Variants in CA8 observed in about 807,000 individuals in gnomAD.
The protein encoded by CA8 is carbonic anhydrase-related protein.
In CA8, 22 loss-of-function variants were observed where a neutral mutation model predicts 41.4. The observed-to-expected ratio is 0.53, with a 90% CI of 0.38 to 0.76. The LOEUF is 0.76. Ranked by LOEUF, CA8 falls within the 30% of genes least tolerant of loss-of-function variation. The pLI is 0.00. For synonymous variants in CA8, 121 were observed against 130.6 expected (o/e 0.93, Z 0.50); for missense variants, 270 against 352.8 (o/e 0.77, Z 1.88).
At chr8:60,278,803 AC>A (rs1804321173) in intron 2 of CA8, among the ~76,000 whole-genome samples, 1 of 152,160 alleles carries the variant, frequency 6.6e-6, no homozygotes, top group Non-Finnish European at 1.5e-5. Flanking sequence ...TTAATAACAA[AC>A]CTAAAGATTT....
At chr8:60,213,878 G>A (rs1321468677) in intron 7 of CA8, among the ~76,000 whole-genome samples, 5 of 151,876 alleles carry the variant, frequency 3.3e-5, no homozygotes, top group South Asian at 4.2e-4. Context: ...TCAGGACCTC[G>A]GCATTCTCGG....
At chr8:60,194,625 T>C (rs907401936) in intron 8 of CA8, among the ~76,000 whole-genome samples, 11 of 152,184 alleles carry the variant, frequency 7.2e-5, no homozygotes, top group Non-Finnish European at 4.4e-5. Flanking sequence ...GATTAAGTGC[T>C]TCTTAAATAG....
chr8:60,265,119 A>T (rs950693364), intron 3 of CA8: 1 of 152,162 alleles, frequency 6.6e-6, no homozygotes, highest in African/African-American at 2.4e-5. Flanking sequence ...TGAATCCAAC[A>T]TCCCCTCACT....
At chr8:60,228,718 T>C (rs1034441926) in intron 4 of CA8, among the ~76,000 whole-genome samples, 1 of 152,240 alleles carries the variant, frequency 6.6e-6, no homozygotes, top group Non-Finnish European at 1.5e-5. Flanking sequence ...GCTTGGGTCA[T>C]CATAATTCAC....
intron 7 of CA8, among the ~76,000 whole-genome samples, chr8:60,214,582 C>T (rs1185318545): frequency 6.6e-6 from 1 of 152,194 alleles, no homozygotes; most frequent in African/African-American, 2.4e-5. Flanking sequence ...ACAGCCCCTT[C>T]GATTCCATAT....
chr8:60,190,411 TTAAA>T lies in CA8; in HGVS notation c.*36-430_*36-427del, dbSNP rs1021932983. ...AATTCCCAAATGACTTACAATTCTA[TTAAA>T]TAAATAATAAATGCAGAATATATAT... On this transcript the variant is annotated intron_variant, in intron 8 of 8. Coordinates refer to ENST00000317995, the MANE Select transcript of CA8 (RefSeq NM_004056.6). 9.3e-5 allele frequency among the ~76,000 whole-genome samples: 13 copies of T among 140,044 alleles called. No homozygotes were observed. In the South Asian group the frequency reaches 2.5e-3, roughly 26 times the overall value. The allele number at this position is 140,044 out of a possible 152,430, so 91.9% of individuals were successfully genotyped here. A position where few individuals can be genotyped will look rare whatever the true frequency, so the allele number is the denominator to read the frequency against.
In CA8 at chr8:60,222,769, G is replaced by A. The variant is rs1254519409; in HGVS notation, c.626-8C>T. 5 of 1,555,240 alleles carry A rather than the reference G, an allele frequency of 3.2e-6. No individual in the cohort carries two copies. The South Asian group carries it at 5.6e-5, about 17-fold the overall frequency. On this transcript the variant is annotated splice_polypyrimidine_tract_variant and splice_region_variant and intron_variant, in intron 6 of 8. Transcript: ENST00000317995. ...AATCCCGCAGCAGAGGGTCTGCACA[G>A]CCACGTGGACATGTAATGGAAAAGG...
chr8:60,203,427 C>A (rs1028226192), intron 8 of CA8, among the ~76,000 whole-genome samples: 3 of 152,134 alleles, frequency 2.0e-5, no homozygotes, highest in African/African-American at 7.2e-5. Flanking sequence ...AATAAAGTTT[C>A]AATTCCTTAA....
chr8:60,270,406 C>G (rs1804032335), intron 2 of CA8, among the ~76,000 whole-genome samples: 1 of 152,098 alleles, frequency 6.6e-6, no homozygotes. Flanking sequence ...ACTTACTTAC[C>G]TACTTATTTA....
At chr8:60,272,101 A>G (rs1478521178) in intron 2 of CA8, among the ~76,000 whole-genome samples, 1 of 152,194 alleles carries the variant, frequency 6.6e-6, no homozygotes, top group Non-Finnish European at 1.5e-5. Context: ...CAGAGGTAGA[A>G]TAGTGACAGG....
chr8:60,279,975 C>A, intron 1 of CA8, 95 bp from the exon 2 acceptor site: 1 of 949,106 alleles, frequency 1.1e-6, no homozygotes, highest in Non-Finnish European at 1.6e-6. Flanking sequence ...CCCTTGATAT[C>A]ATGAAGAGAG....
chr8:60,197,041 A>C (rs557742046), intron 8 of CA8, among the ~76,000 whole-genome samples: 1 of 152,284 alleles, frequency 6.6e-6, no homozygotes, highest in South Asian at 2.1e-4. Context: ...GAAGGTGAAA[A>C]GTGTAATCTG....
intron 7 of CA8, among the ~76,000 whole-genome samples, chr8:60,213,100 T>G (rs1806894475): frequency 6.6e-6 from 1 of 152,196 alleles, no homozygotes; most frequent in Non-Finnish European, 1.5e-5. Flanking sequence ...TCTACCCCAT[T>G]ATATAATGTT....
intron 3 of CA8, among the ~76,000 whole-genome samples, chr8:60,241,044 G>T (rs985055208): frequency 2.0e-5 from 3 of 152,082 alleles, no homozygotes; most frequent in Non-Finnish European, 2.9e-5. Context: ...AACAGAGAAA[G>T]CACCATCTCT....
At chr8:60,207,919 C>T (rs1035967334) in intron 8 of CA8, among the ~76,000 whole-genome samples, 1 of 152,164 alleles carries the variant, frequency 6.6e-6, no homozygotes, top group African/African-American at 2.4e-5. Context: ...CCACACCCAG[C>T]TAATTTTTAA....
intron 8 of CA8, among the ~76,000 whole-genome samples, chr8:60,196,453 C>T (rs996016995): frequency 4.6e-5 from 7 of 151,960 alleles, no homozygotes; most frequent in Admixed American, 2.0e-4. Context: ...TGCTGTGTTC[C>T]CCAAAAAGCC....
intron 8 of CA8, among the ~76,000 whole-genome samples, chr8:60,195,344 C>T (rs1334523537): frequency 6.6e-6 from 1 of 152,156 alleles, no homozygotes. Flanking sequence ...AAGCAAATCA[C>T]TACTGGAGAA....
At chr8:60,239,927 C>T (rs565459073) in intron 3 of CA8, among the ~76,000 whole-genome samples, 2 of 152,180 alleles carry the variant, frequency 1.3e-5, no homozygotes, top group Non-Finnish European at 2.9e-5. Flanking sequence ...TCCTCAGCCA[C>T]GTGGAACTGT....
At chr8:60,204,335 A>G (rs1449632598) in intron 8 of CA8, among the ~76,000 whole-genome samples, 1 of 152,220 alleles carries the variant, frequency 6.6e-6, no homozygotes, top group Non-Finnish European at 1.5e-5. Context: ...AGAACATATT[A>G]ACATTCGACA....
Sources: gnomAD v4.1 joint callset for allele counts (sites outside exome capture counted in the v4.1 genomes callset) on GRCh38, gnomAD v4.1.1 for gene constraint, MANE v1.5 for transcripts, NCBI Gene and HGNC (gene_info 2026-07-23, HGNC 2026-07-21) for gene names.